IMMP2L: variants seen among roughly 807,000 people sequenced by gnomAD.
The protein encoded by IMMP2L is mitochondrial inner membrane protease subunit 2.
In IMMP2L, 18 loss-of-function variants were observed where a neutral mutation model predicts 19.3. That is an observed-to-expected ratio of 0.93 (90% CI 0.64 to 1.38). The LOEUF is 1.38. IMMP2L is among the 40% of genes most tolerant of loss of function. The pLI is 0.00. For missense variants in IMMP2L, 233 were observed against 218.2 expected (o/e 1.07, Z -0.43); for synonymous variants, 76 against 73.0 (o/e 1.04, Z -0.21).
chr7:111,020,370 A>C (rs973412452), intron 3 of IMMP2L, among the ~76,000 whole-genome samples: 1 of 151,948 alleles, frequency 6.6e-6, no homozygotes, highest in Admixed American at 6.6e-5. Flanking sequence ...AGTGACAGAG[A>C]GGGATTCCAT....
At chr7:111,494,055 A>G (rs1034377432) in intron 2 of IMMP2L, among the ~76,000 whole-genome samples, 1 of 152,196 alleles carries the variant, frequency 6.6e-6, no homozygotes, top group Non-Finnish European at 1.5e-5. Context: ...AAACACATCA[A>G]GTAGAAATTA....
intron 3 of IMMP2L, chr7:111,411,423 C>A: frequency 2.0e-6 from 1 of 498,336 alleles, no homozygotes; most frequent in African/African-American, 2.0e-5. Context: ...AAGATGGCAC[C>A]ACCTCACCAG....
intron 5 of IMMP2L, among the ~76,000 whole-genome samples, chr7:110,841,578 T>C (rs1805092739): frequency 6.6e-6 from 1 of 152,134 alleles, no homozygotes; most frequent in African/African-American, 2.4e-5. Context: ...CTTCCTCACT[T>C]TCTTTTATCA....
chr7:111,356,141 A>G (rs760588677), intron 3 of IMMP2L, among the ~76,000 whole-genome samples: 3 of 152,082 alleles, frequency 2.0e-5, no homozygotes, highest in Non-Finnish European at 4.4e-5. Context: ...ATAAAATACA[A>G]TCAGCTATAA....
chr7:110,905,471 A>G (rs1437270042), intron 4 of IMMP2L, among the ~76,000 whole-genome samples: 1 of 151,902 alleles, frequency 6.6e-6, no homozygotes, highest in African/African-American at 2.4e-5. Context: ...TTTCCTGAGT[A>G]GTTGTTTCAA....
intron 3 of IMMP2L, among the ~76,000 whole-genome samples, chr7:111,263,529 C>A (rs773703633): frequency 6.6e-6 from 1 of 151,902 alleles, no homozygotes; most frequent in African/African-American, 2.4e-5. Flanking sequence ...AAGTAAATAT[C>A]GAAATGCTGA....
At chr7:110,902,978 G>A (rs1315775597) in intron 4 of IMMP2L, among the ~76,000 whole-genome samples, 1 of 150,952 alleles carries the variant, frequency 6.6e-6, no homozygotes, top group Non-Finnish European at 1.5e-5. Context: ...CTATTTTGTA[G>A]GCAATGGGGA....
intron 3 of IMMP2L, among the ~76,000 whole-genome samples, chr7:111,049,531 C>A (rs1792804439): frequency 6.6e-6 from 1 of 152,048 alleles, no homozygotes; most frequent in Non-Finnish European, 1.5e-5. Context: ...AATTGATCAC[C>A]CTTTGTAGGA....
rs181204300 is a variant in IMMP2L at position 111,291,366 on chromosome 7, A to G, written c.239+195872T>C. On this transcript the variant is annotated intron_variant, in intron 3 of 5. Transcript: ENST00000405709. ...CCCACAAACATCTCACAGAGTCCCT[A>G]AGGAGTTCTACCAAACTGAATGAGT... 4.9e-3 allele frequency among the ~76,000 whole-genome samples: 746 copies of G among 152,292 alleles called. 13 individuals carry two copies. The highest frequency in any genetic ancestry group is 5.1e-3 in the Non-Finnish European group (348 of 68,014).
At chr7:111,481,051 G>A (rs1290634366) in intron 3 of IMMP2L, among the ~76,000 whole-genome samples, 2 of 151,900 alleles carry the variant, frequency 1.3e-5, no homozygotes, top group Non-Finnish European at 2.9e-5. Context: ...CATACTTATC[G>A]ATAGAGAAGC....
At chr7:110,732,999 G>C (rs1396212166) in intron 5 of IMMP2L, among the ~76,000 whole-genome samples, 1 of 151,968 alleles carries the variant, frequency 6.6e-6, no homozygotes, top group Non-Finnish European at 1.5e-5. Context: ...TGATTCCCAG[G>C]CTGATCTCAA....
At chr7:111,492,459 G>A in intron 2 of IMMP2L, 2 of 866,244 alleles carry the variant, frequency 2.3e-6, no homozygotes, top group Non-Finnish European at 2.8e-6. Context: ...TTCCCCACTT[G>A]GAAACTTCTA....
At chr7:110,761,893 A>G (rs901727105) in intron 5 of IMMP2L, among the ~76,000 whole-genome samples, 1 of 152,112 alleles carries the variant, frequency 6.6e-6, no homozygotes, top group Non-Finnish European at 1.5e-5. Context: ...TACATAACAT[A>G]CCTTAAATGT....
chr7:110,819,119 A>G (rs1802803955), intron 5 of IMMP2L, among the ~76,000 whole-genome samples: 1 of 152,038 alleles, frequency 6.6e-6, no homozygotes, highest in Admixed American at 6.6e-5. Flanking sequence ...TAATAACAAA[A>G]TAAAAAAAAG....
At chr7:110,664,982 A>T (rs1002467755) in intron 5 of IMMP2L, 6 of 152,162 alleles carry the variant, frequency 3.9e-5, no homozygotes, top group African/African-American at 1.4e-4. Context: ...TTGTCTAGGG[A>T]CTCGAAGACG....
At chr7:111,284,345 C>A (rs1459095272) in intron 3 of IMMP2L, among the ~76,000 whole-genome samples, 1 of 152,092 alleles carries the variant, frequency 6.6e-6, no homozygotes. Context: ...CTGAAAGAAG[C>A]CTTAACATCC....
At chr7:110,668,089 T>C (rs1297860557) in intron 5 of IMMP2L, among the ~76,000 whole-genome samples, 3 of 152,180 alleles carry the variant, frequency 2.0e-5, no homozygotes, top group Non-Finnish European at 4.4e-5. Flanking sequence ...TATTACTTCA[T>C]AGAAATGAAG....
At chr7:110,857,338 C>T (rs1001829748) in intron 5 of IMMP2L, among the ~76,000 whole-genome samples, 1 of 152,026 alleles carries the variant, frequency 6.6e-6, no homozygotes, top group Non-Finnish European at 1.5e-5. Context: ...AAAGTCCTAC[C>T]AATTGTGTGA....
chr7:111,394,035 C>CA (rs968001392), intron 3 of IMMP2L, among the ~76,000 whole-genome samples: 25 of 152,070 alleles, frequency 1.6e-4, no homozygotes, highest in Non-Finnish European at 3.5e-4. Flanking sequence ...GTCTGCTAGT[C>CA]TCACTTTCAC....
Sources: gnomAD v4.1 joint callset for allele counts (sites outside exome capture counted in the v4.1 genomes callset) on GRCh38, gnomAD v4.1.1 for gene constraint, MANE v1.5 for transcripts, NCBI Gene and HGNC (gene_info 2026-07-23, HGNC 2026-07-21) for gene names.